NCOR2: variants seen among roughly 807,000 people sequenced by gnomAD.
The protein encoded by NCOR2 is CTG repeat protein 26.
NCOR2 carries 81 observed loss-of-function variants against 262.9 expected under a neutral mutation model. The observed-to-expected ratio is 0.31, with a 90% CI of 0.26 to 0.37. NCOR2 has a LOEUF of 0.37. NCOR2 is among the 10% of genes least tolerant of loss of function. The probability of loss-of-function intolerance (pLI) is 1.00; values close to 1 mark genes in which losing one functional copy is unlikely to be tolerated. For synonymous variants in NCOR2, 1,659 were observed against 1,559.3 expected (o/e 1.06, Z -1.51); for missense variants, 3,385 against 3,621.4 (o/e 0.93, Z 1.68).
At chr12:124,466,706 G>A (rs2136637306) in intron 4 of NCOR2, among the ~76,000 whole-genome samples, 2 of 152,158 alleles carry the variant, frequency 1.3e-5, no homozygotes, top group Middle Eastern at 6.8e-3. Flanking sequence ...GTTCCTACAG[G>A]CAGCATCAGT....
rs111705351 is a variant in NCOR2, at chr12:124,505,120, T to C, written c.-117-9752A>G. Among the ~76,000 whole-genome samples the C allele has an allele frequency of 7.3e-3, 1,113 of 152,330 alleles. 4 individuals carry two copies. The highest frequency in any genetic ancestry group is 0.012 in the Non-Finnish European group (824 of 68,020). On this transcript the variant is annotated intron_variant, in intron 1 of 46. Coordinates refer to the NCOR2 transcript ENST00000404621. Reference sequence around the variant, plus strand: ...GTGGGCAGAGGCTATCTACACCAGATAGGCTCGGCTTTCCCTATTTGCCAC... The same window carrying C: ...GTGGGCAGAGGCTATCTACACCAGACAGGCTCGGCTTTCCCTATTTGCCAC...
intron 1 of NCOR2, among the ~76,000 whole-genome samples, chr12:124,518,857 T>C (rs2049998214): frequency 6.6e-6 from 1 of 152,222 alleles, no homozygotes; most frequent in South Asian, 2.1e-4. Flanking sequence ...ACCTCCAACC[T>C]GAGCGTAGCT....
intron 15 of NCOR2, among the ~76,000 whole-genome samples, chr12:124,399,151 GCAGCCCCAT>G (rs1279961867): frequency 6.6e-6 from 1 of 152,050 alleles, no homozygotes; most frequent in Admixed American, 6.6e-5. Flanking sequence ...ACCCCCATGG[GCAGCCCCAT>G]CAGCCCCGAC....
intron 17 of NCOR2, among the ~76,000 whole-genome samples, chr12:124,381,433 C>T (rs1214624382): frequency 6.6e-6 from 1 of 152,122 alleles, no homozygotes; most frequent in Non-Finnish European, 1.5e-5. Flanking sequence ...TCTTCAGACT[C>T]CATTCTGAAA....
intron 8 of NCOR2, among the ~76,000 whole-genome samples, chr12:124,431,143 C>A (rs2043892515): frequency 6.9e-6 from 1 of 145,762 alleles, no homozygotes; most frequent in African/African-American, 2.8e-5. Context: ...CACAGGCAGA[C>A]ACACATGCAG....
At chr12:124,387,801 G>C (rs2040929874) in intron 16 of NCOR2, among the ~76,000 whole-genome samples, 1 of 152,208 alleles carries the variant, frequency 6.6e-6, no homozygotes, top group African/African-American at 2.4e-5. Flanking sequence ...GGGGCCAAGA[G>C]AGCCCAGGCA....
At chr12:124,355,365 G>T in intron 24 of NCOR2, 67 bp downstream of exon 26, 1 of 1,561,704 alleles carries the variant, frequency 6.4e-7, no homozygotes, top group Non-Finnish European at 8.7e-7. Flanking sequence ...AGACTTCATT[G>T]GTCCCATTGC....
At chr12:124,351,330 C>A (rs1189214191) in intron 27 of NCOR2, among the ~76,000 whole-genome samples, 1 of 152,178 alleles carries the variant, frequency 6.6e-6, no homozygotes, top group African/African-American at 2.4e-5. Flanking sequence ...TAGTTCTAAC[C>A]CAGGTTTTCC....
intron 4 of NCOR2, among the ~76,000 whole-genome samples, chr12:124,467,708 C>T (rs890201781): frequency 2.2e-5 from 3 of 136,358 alleles, no homozygotes; most frequent in Middle Eastern, 3.7e-3. Flanking sequence ...CCTTATCACC[C>T]TCATCATCCT....
intron 42 of NCOR2, 110 bp downstream of exon 44, chr12:124,333,020 G>C (rs375351290): frequency 3.6e-5 from 51 of 1,414,288 alleles, no homozygotes; most frequent in South Asian, 2.5e-4. Context: ...TCACCCAGCT[G>C]AGCCCTGTGC....
intron 1 of NCOR2, among the ~76,000 whole-genome samples, chr12:124,494,822 G>C (rs957916667): frequency 6.6e-6 from 1 of 152,216 alleles, no homozygotes; most frequent in Non-Finnish European, 1.5e-5. Context: ...GAGCAGAGGT[G>C]AGGCTAGGCT....
At chr12:124,356,279 G>A (rs990326584) in intron 23 of NCOR2, among the ~76,000 whole-genome samples, 8 of 152,222 alleles carry the variant, frequency 5.3e-5, no homozygotes, top group Non-Finnish European at 7.3e-5. Flanking sequence ...GAACAGGGCC[G>A]AAATGCAGCC....
chr12:124,355,347 C>T (rs1325753558), intron 24 of NCOR2, 85 bp downstream of exon 26: 25 of 1,510,796 alleles, frequency 1.7e-5, no homozygotes, highest in Non-Finnish European at 2.1e-5. Context: ...AGAGCCTGGC[C>T]CCCACTCAGA....
At chr12:124,435,328 G>A (rs2136391287) in intron 8 of NCOR2, among the ~76,000 whole-genome samples, 1 of 152,354 alleles carries the variant, frequency 6.6e-6, no homozygotes, top group East Asian at 1.9e-4. Context: ...TAAACAGATT[G>A]GACGCTCGTT....
In NCOR2 at chr12:124,419,280, G is replaced by A. The variant is rs566732807; in HGVS notation, c.1482+677C>T. 2.5e-4 allele frequency among the ~76,000 whole-genome samples: 38 copies of A among 152,220 alleles called. No homozygotes were observed. In the South Asian group the frequency reaches 4.8e-3, roughly 19 times the overall value. ...CTAGTAAACATTTGAGACCCTGTAC[G>A]CCATACACTTTTGGTCACAACCATG... On this transcript the variant is annotated intron_variant, in intron 13 of 46. Transcript: ENST00000405201.
At chr12:124,360,031 A>C (rs2038410279) in intron 22 of NCOR2, among the ~76,000 whole-genome samples, 1 of 152,218 alleles carries the variant, frequency 6.6e-6, no homozygotes, top group Non-Finnish European at 1.5e-5. Context: ...GCTGAGTGCC[A>C]GCCGCGGGAA....
In NCOR2 at chr12:124,411,921, G is replaced by A. The variant is rs193065562; in HGVS notation, c.1482+8036C>T. 1.7e-3 allele frequency among the ~76,000 whole-genome samples: 261 copies of A among 152,322 alleles called. 1 individual carries two copies. Among genetic ancestry groups the A allele is most frequent in the Admixed American group, 0.016 (251 of 15,308 alleles). ...CTCAGGCCTGTGGGGTCTCATGGGG[G>A]TGGGTGTGGAGGGGCTAGCATTCCA... On this transcript the variant is annotated intron_variant, in intron 13 of 46. Transcript: ENST00000405201.
intron 1 of NCOR2, among the ~76,000 whole-genome samples, chr12:124,557,034 A>G (rs1409416849): frequency 6.6e-6 from 1 of 152,242 alleles, no homozygotes; most frequent in Non-Finnish European, 1.5e-5. Context: ...CAGGTCGCAG[A>G]GGACGGCCCA....
chr12:124,347,820 A>C lies in NCOR2; in HGVS notation c.4072+5T>G. Reference sequence around the variant, plus strand: ...GCAACGAGGGAGCAGGGAACAGGGCAGTACCTTGTGTGATGGACCCGCGGA... The same window carrying C: ...GCAACGAGGGAGCAGGGAACAGGGCCGTACCTTGTGTGATGGACCCGCGGA... On this transcript the variant is annotated splice_donor_5th_base_variant and intron_variant, in intron 30 of 46. Transcript: ENST00000405201. The C allele has an allele frequency of 6.4e-7, 1 of 1,560,314 alleles. No individual in the cohort carries two copies. Among genetic ancestry groups the C allele is most frequent in the African/African-American group, 1.4e-5 (1 of 73,740 alleles).
Sources: allele counts gnomAD v4.1 joint callset (sites outside exome capture counted in the v4.1 genomes callset), GRCh38; gene constraint gnomAD v4.1.1; transcripts MANE v1.5; gene names NCBI Gene and HGNC (gene_info 2026-07-23, HGNC 2026-07-21).